The following FBXO11 variants were observed in gnomAD, a reference collection of about 807,000 sequenced individuals.
FBXO11 encodes F-box only protein 11.
FBXO11 carries 13 observed loss-of-function variants against 117.0 expected under a neutral mutation model. That is an observed-to-expected ratio of 0.11 (90% CI 0.07 to 0.18). FBXO11 has a LOEUF of 0.18. Among genes scored for constraint, FBXO11 ranks in the 10% least tolerant of loss-of-function variants. The pLI, the probability that FBXO11 is intolerant of heterozygous loss-of-function variation, is 1.00. For synonymous variants in FBXO11, 490 were observed against 380.5 expected (o/e 1.29, Z -3.35); for missense variants, 767 against 1,164.4 (o/e 0.66, Z 4.97).
chr2:47,896,628 C>A (rs1026637223), intron 1 of FBXO11, among the ~76,000 whole-genome samples: 2 of 152,078 alleles, frequency 1.3e-5, no homozygotes, highest in African/African-American at 2.4e-5. Context: ...CACTATGCCC[C>A]GCCCAATTGT....
intron 1 of FBXO11, among the ~76,000 whole-genome samples, chr2:47,900,601 CGTATACACACGT>C (rs1678053620): frequency 1.8e-5 from 2 of 113,986 alleles, no homozygotes; most frequent in Non-Finnish European, 4.0e-5. Flanking sequence ...TATATACACA[CGTATACACACGT>C]ATATACACAC....
intron 18 of FBXO11, chr2:47,811,682 A>G (rs1268985443): frequency 6.6e-6 from 1 of 152,234 alleles, no homozygotes; most frequent in Non-Finnish European, 1.5e-5. Flanking sequence ...CCTCAGTGAA[A>G]GGTAGTCACC....
chr2:47,904,284 A>C, intron 1 of FBXO11, among the ~76,000 whole-genome samples: 1 of 152,192 alleles, frequency 6.6e-6, no homozygotes, highest in Non-Finnish European at 1.5e-5. Context: ...CCTCCTCCTT[A>C]AAACAACAAC....
intron 7 of FBXO11, 21 bp downstream of exon 7, chr2:47,834,558 T>A: frequency 6.6e-7 from 1 of 1,513,734 alleles, no homozygotes; most frequent in Non-Finnish European, 8.8e-7. Context: ...AAAATTTTAA[T>A]GACAATGCAT....
chr2:47,842,680 A>G (rs1441687044), intron 1 of FBXO11, among the ~76,000 whole-genome samples: 2 of 152,118 alleles, frequency 1.3e-5, no homozygotes, highest in African/African-American at 2.4e-5. Flanking sequence ...GCTCATATGC[A>G]GAGTTCAAGA....
chr2:47,837,834 G>A (rs1423093676), intron 4 of FBXO11, among the ~76,000 whole-genome samples: 1 of 152,016 alleles, frequency 6.6e-6, no homozygotes, highest in Non-Finnish European at 1.5e-5. Context: ...GGGCTCAAAT[G>A]ATCCTCCTGC....
At position 47,806,970 on chromosome 2, in the gene FBXO11, T is replaced by C; in HGVS notation, c.*1148A>G. On this transcript the variant is annotated 3_prime_UTR_variant, in exon 23 of 23. Transcript: ENST00000403359. Reference sequence around the variant, plus strand: ...TAAAAATGACCATTTTTCCATTTTCTTTCTAGGAAATTAAACCCTTTTAAT... The same window carrying C: ...TAAAAATGACCATTTTTCCATTTTCCTTCTAGGAAATTAAACCCTTTTAAT... 1.1e-6 allele frequency: 1 copy of C among 874,808 alleles called. No homozygotes were observed. The highest frequency in any genetic ancestry group is 2.0e-5 in the Admixed American group (1 of 49,176). The allele number at this position is 874,808 out of a possible 1,614,324, so 54.2% of individuals were successfully genotyped here. A position where few individuals can be genotyped will look rare whatever the true frequency, so the allele number is the denominator to read the frequency against.
chr2:47,901,103 A>AGG (rs1678243452), intron 1 of FBXO11, among the ~76,000 whole-genome samples: 1 of 112,896 alleles, frequency 8.9e-6, no homozygotes, highest in African/African-American at 3.2e-5. Context: ...ATACATATAT[A>AGG]TGTATATATG....
At chr2:47,834,544 T>C in intron 7 of FBXO11, 35 bp downstream of exon 7, 1 of 1,480,402 alleles carries the variant, frequency 6.8e-7, no homozygotes, top group South Asian at 1.4e-5. Flanking sequence ...ATGAGTAAAA[T>C]ATTAAAATTT....
intron 1 of FBXO11, among the ~76,000 whole-genome samples, chr2:47,904,468 C>T (rs1019993734): frequency 2.6e-5 from 4 of 152,160 alleles, no homozygotes; most frequent in Non-Finnish European, 4.4e-5. Flanking sequence ...ATTTCAACCT[C>T]GGGGAGCCTC....
chr2:47,854,544 T>C (rs923379176), intron 1 of FBXO11, among the ~76,000 whole-genome samples: 11 of 152,086 alleles, frequency 7.2e-5, no homozygotes, highest in African/African-American at 2.7e-4. Context: ...AACCTAGCTG[T>C]ATGACTGGAC....
intron 11 of FBXO11, among the ~76,000 whole-genome samples, chr2:47,829,778 T>G (rs1252123508): frequency 6.6e-6 from 1 of 152,086 alleles, no homozygotes; most frequent in Non-Finnish European, 1.5e-5. Context: ...AGTCTGGTAT[T>G]TACTTCAAAA....
intron 1 of FBXO11, among the ~76,000 whole-genome samples, chr2:47,904,462 C>T (rs936865738): frequency 4.6e-5 from 7 of 152,170 alleles, no homozygotes; most frequent in African/African-American, 1.2e-4. Context: ...AGCAGGATTT[C>T]AACCTCGGGG....
In FBXO11 at chr2:47,839,006, A is replaced by G. The variant is rs1672809872; in HGVS notation, c.443-3T>C. 1 of 1,609,880 alleles carries G rather than the reference A, an allele frequency of 6.2e-7. No homozygotes were observed. Among genetic ancestry groups the G allele is most frequent in the African/African-American group, 1.3e-5 (1 of 74,818 alleles). On this transcript the variant is annotated splice_polypyrimidine_tract_variant and splice_region_variant and intron_variant, in intron 3 of 22. Transcript: ENST00000403359. The stretch of plus-strand genomic sequence containing the variant: ...AAGATACTGTTCAGCAGGTGCTGCT[A>G]TAAAGAGATTAACATATAAACTATC...
chr2:47,863,857 C>T (rs528164377), intron 1 of FBXO11, among the ~76,000 whole-genome samples: 4 of 151,886 alleles, frequency 2.6e-5, no homozygotes, highest in Non-Finnish European at 5.9e-5. Context: ...AGGAGAATTG[C>T]TTGAACCCTG....
At chr2:47,858,773 A>C (rs929350086) in intron 1 of FBXO11, among the ~76,000 whole-genome samples, 1 of 151,534 alleles carries the variant, frequency 6.6e-6, no homozygotes, top group African/African-American at 2.4e-5. Context: ...GGTCGGGCGC[A>C]GTGGCTTATG....
At chr2:47,897,325 C>CCT (rs1230416845) in intron 1 of FBXO11, among the ~76,000 whole-genome samples, 1 of 152,174 alleles carries the variant, frequency 6.6e-6, no homozygotes, top group Non-Finnish European at 1.5e-5. Flanking sequence ...TGATTCAAGT[C>CCT]AGTTGGTTAC....
chr2:47,834,056 G>A (rs1672373606), intron 7 of FBXO11, among the ~76,000 whole-genome samples: 1 of 152,116 alleles, frequency 6.6e-6, no homozygotes, highest in African/African-American at 2.4e-5. Context: ...ACTAACATTA[G>A]GAAACATATA....
rs1465335735 is a variant in FBXO11, at chr2:47,905,644, T to G, written c.77A>C (p.Gln26Pro). ...CTGCGGCGGCGGCTGCTGCGGGGGC[T>G]GCTGCTGCTGTTGCTGCACCGGGCG... ...RPRPVQQQQQQPPQQPPPQPP... is the reference protein window; with the variant it reads ...RPRPVQQQQQPPPQQPPPQPP... The change falls in exon 1 of 23, where the codon CAG (glutamine) becomes CCG (proline). Residue 26 changes from glutamine to proline, a missense_variant. Around this residue, in one of 10 missense-constraint regions of FBXO11, gnomAD observed 355 missense variants for 299.8 expected, o/e 1.18. Coordinates refer to ENST00000403359, the MANE Select transcript of FBXO11 (RefSeq NM_001190274.2). The G allele has an allele frequency of 1.3e-5, 18 of 1,432,252 alleles. No individual in the cohort carries two copies. Among genetic ancestry groups the G allele is most frequent in the Non-Finnish European group, 1.7e-5 (18 of 1,088,160 alleles). The allele number at this position is 1,432,252 out of a possible 1,614,324, so 88.7% of individuals were successfully genotyped here. A position where few individuals can be genotyped will look rare whatever the true frequency, so the allele number is the denominator to read the frequency against.
Sources: gnomAD v4.1 joint callset for allele counts (sites outside exome capture counted in the v4.1 genomes callset) on GRCh38, gnomAD v4.1.1 for gene constraint, gnomAD v4.1.1 regional missense constraint, MANE v1.5 for transcripts, NCBI Gene and HGNC (gene_info 2026-07-23, HGNC 2026-07-21) for gene names.